Variants in MATN2 observed in about 807,000 individuals in gnomAD.
MATN2 encodes the protein matrilin 2.
MATN2 carries 69 observed loss-of-function variants against 103.2 expected under a neutral mutation model. The ratio of observed to expected loss-of-function variants is 0.67; its 90% CI spans 0.55 to 0.82. The LOEUF (loss-of-function observed/expected upper bound fraction) is 0.82. Ranked by LOEUF, MATN2 falls within the 40% of genes least tolerant of loss-of-function variation. MATN2 has a pLI of 0.00. For missense variants in MATN2, 1,023 were observed against 1,211.5 expected (o/e 0.84, Z 2.31); for synonymous variants, 429 against 450.2 (o/e 0.95, Z 0.60).
chr8:97,915,563 C>T (rs755311491), intron 2 of MATN2, among the ~76,000 whole-genome samples: 2 of 152,230 alleles, frequency 1.3e-5, no homozygotes, highest in African/African-American at 2.4e-5. Flanking sequence ...CTCCCCTCCT[C>T]CTTCCAGGGA....
At chr8:97,870,515 T>C (rs561806111) in intron 1 of MATN2, among the ~76,000 whole-genome samples, 1 of 136,022 alleles carries the variant, frequency 7.4e-6, no homozygotes, top group East Asian at 2.1e-4. Flanking sequence ...CTAAACTCCG[T>C]CTCAAAAGAA....
In MATN2 at chr8:98,033,120, A is replaced by T. The variant is rs753191847; in HGVS notation, c.2660A>T (p.Glu887Val). The T allele has an allele frequency of 2.7e-5, 44 of 1,610,892 alleles. 2 individuals are homozygous for T. In the South Asian group the frequency reaches 4.1e-4, roughly 15 times the overall value. ...NFAVQHRYLFEEDNLLRSTQK... is the reference protein window; with the variant it reads ...NFAVQHRYLFVEDNLLRSTQK... The stretch of plus-strand genomic sequence containing the variant: ...GCAGTGCAACACAGATATCTGTTTG[A>T]AGAAGACAATCTTTTACGGTCTACA... The change falls in exon 17 of 19, where the codon GAA (glutamate) becomes GTA (valine). Residue 887 changes from glutamate (E) to valine (V), a missense_variant. By Grantham distance (121) the Glu-to-Val change is moderately radical. Coordinates refer to ENST00000254898, the MANE Select transcript of MATN2 (RefSeq NM_002380.5).
At position 97,931,911 on chromosome 8, in the gene MATN2, C is replaced by T. The variant is rs1054002689; in HGVS notation, c.712+389C>T. Among the ~76,000 whole-genome samples the T allele has an allele frequency of 2.0e-5, 3 of 152,168 alleles. No individual in the cohort carries two copies. The highest frequency in any genetic ancestry group is 7.2e-5 in the African/African-American group (3 of 41,442). On this transcript the variant is annotated intron_variant, in intron 3 of 18. Coordinates refer to ENST00000254898, the MANE Select transcript of MATN2 (RefSeq NM_002380.5). The surrounding 1 kb of genome is among the most constrained non-coding windows in gnomAD (Gnocchi z 4.1). ...AGAGACAACGTTTCGCCATGTTGCC[C>T]AGGCTGATCTGAAACTCCTGGCTTC... is the stretch of plus-strand genomic sequence containing the variant.
intron 6 of MATN2, among the ~76,000 whole-genome samples, chr8:97,986,133 C>A (rs1812185133): frequency 6.6e-6 from 1 of 151,990 alleles, no homozygotes; most frequent in Non-Finnish European, 1.5e-5. Flanking sequence ...TTTTTCTGAT[C>A]ATTTTCTTAG....
rs375765018 is a variant in MATN2, at chr8:97,958,231, T to C, written c.836-3177T>C. Among the ~76,000 whole-genome samples, 5 of 152,346 alleles carry C rather than the reference T, an allele frequency of 3.3e-5. No individual in the cohort carries two copies. In the South Asian group the frequency reaches 1.0e-3, roughly 32 times the overall value. The stretch of plus-strand genomic sequence containing the variant: ...AAATCACCTGTATTCACACCACTAC[T>C]TGGTAACCATGGTAGGTAGGGTTCC... On this transcript the variant is annotated intron_variant, in intron 4 of 18. Coordinates refer to ENST00000254898, the MANE Select transcript of MATN2 (RefSeq NM_002380.5).
intron 5 of MATN2, among the ~76,000 whole-genome samples, chr8:97,968,882 C>T (rs1365418141): frequency 3.9e-5 from 6 of 152,230 alleles, no homozygotes; most frequent in African/African-American, 1.4e-4. Flanking sequence ...ACACCCCACT[C>T]TCAGTACCGG....
At chr8:97,963,200 T>G (rs934069342) in intron 5 of MATN2, among the ~76,000 whole-genome samples, 18 of 152,214 alleles carry the variant, frequency 1.2e-4, no homozygotes, top group African/African-American at 4.1e-4. Flanking sequence ...ACACTGTCTA[T>G]TTTGTTTTAC....
intron 1 of MATN2, among the ~76,000 whole-genome samples, chr8:97,877,506 A>T: frequency 6.7e-6 from 1 of 149,332 alleles, no homozygotes; most frequent in Non-Finnish European, 1.5e-5. Context: ...TTTTTTGTAG[A>T]GATGAAGTCT....
At position 98,035,820 on chromosome 8, in the gene MATN2, A is replaced by G; in HGVS notation, c.*108A>G. 1 of 636,582 alleles carries G rather than the reference A, an allele frequency of 1.6e-6. No homozygotes were observed. Among genetic ancestry groups the G allele is most frequent in the Non-Finnish European group, 2.6e-6 (1 of 386,126 alleles). 39.4% of individuals were successfully genotyped at this position (636,582 alleles called of 1,614,324 possible). A position where few individuals can be genotyped will look rare whatever the true frequency, so the allele number is the denominator to read the frequency against. The stretch of plus-strand genomic sequence containing the variant: ...TGTTAAATCAATAATGTTGTGAAGT[A>G]AAACAATCAGTACTGAGAAACCTGG... On this transcript the variant is annotated 3_prime_UTR_variant, in exon 19 of 19. Transcript: ENST00000254898.
At chr8:97,883,259 C>T (rs568381782) in intron 1 of MATN2, among the ~76,000 whole-genome samples, 7 of 143,696 alleles carry the variant, frequency 4.9e-5, no homozygotes, top group East Asian at 4.1e-4. Flanking sequence ...CACTCCAGCC[C>T]GGGTGACAGA....
chr8:97,882,578 T>C (rs1420068396), intron 1 of MATN2, among the ~76,000 whole-genome samples: 1 of 151,980 alleles, frequency 6.6e-6, no homozygotes, highest in East Asian at 1.9e-4. Flanking sequence ...AATTTTTGTA[T>C]GTTTTGTAGC....
intron 10 of MATN2, among the ~76,000 whole-genome samples, chr8:98,013,424 T>C (rs1813242676): frequency 6.6e-6 from 1 of 152,180 alleles, no homozygotes; most frequent in Admixed American, 6.5e-5. Flanking sequence ...AAAACCCCTG[T>C]GAGGTGGATC....
At chr8:97,993,871 C>A (rs1812476118) in intron 6 of MATN2, among the ~76,000 whole-genome samples, 1 of 152,120 alleles carries the variant, frequency 6.6e-6, no homozygotes, top group Non-Finnish European at 1.5e-5. Flanking sequence ...TCTCAGCCTG[C>A]AGTCTGGCAA....
intron 1 of MATN2, among the ~76,000 whole-genome samples, chr8:97,877,804 G>A (rs757641409): frequency 6.6e-6 from 1 of 152,190 alleles, no homozygotes; most frequent in Non-Finnish European, 1.5e-5. Context: ...CAGAAAAAAT[G>A]AAATGACAGT....
intron 8 of MATN2, among the ~76,000 whole-genome samples, 198 bp from the exon 9 acceptor site, chr8:98,006,907 G>A (rs1457910975): frequency 1.3e-5 from 2 of 152,052 alleles, no homozygotes; most frequent in African/African-American, 4.8e-5. Flanking sequence ...CCGAGATCTC[G>A]CCACTGCACT....
chr8:98,001,060 G>A (rs893314544), intron 7 of MATN2, among the ~76,000 whole-genome samples: 3 of 152,150 alleles, frequency 2.0e-5, no homozygotes, highest in South Asian at 2.1e-4. Context: ...TGTGAGCTTC[G>A]TCAAATAACT....
At chr8:97,956,847 C>G (rs1811161584) in intron 4 of MATN2, among the ~76,000 whole-genome samples, 1 of 152,142 alleles carries the variant, frequency 6.6e-6, no homozygotes, top group Non-Finnish European at 1.5e-5. Context: ...TCTGAGGACC[C>G]CACATCTAAT....
At chr8:97,961,734 G>T (rs893482769) in intron 5 of MATN2, among the ~76,000 whole-genome samples, 1 of 152,138 alleles carries the variant, frequency 6.6e-6, no homozygotes, top group Non-Finnish European at 1.5e-5. Flanking sequence ...TCTTATTCTG[G>T]GTCTCCAGTA....
chr8:97,942,525 T>G (rs988315554), intron 4 of MATN2, among the ~76,000 whole-genome samples: 2 of 152,216 alleles, frequency 1.3e-5, no homozygotes, highest in Non-Finnish European at 2.9e-5. Context: ...AAGGACAGAA[T>G]TACTCATACA....
Sources: allele counts gnomAD v4.1 joint callset (sites outside exome capture counted in the v4.1 genomes callset), GRCh38; gene constraint gnomAD v4.1.1; non-coding constraint Gnocchi (gnomAD v3.1); transcripts MANE v1.5; gene names NCBI Gene and HGNC (gene_info 2026-07-23, HGNC 2026-07-21).